Variants in PPP1R1C observed in about 807,000 individuals in gnomAD.
PPP1R1C encodes the protein protein phosphatase 1 regulatory inhibitor subunit 1C.
Under a neutral mutation model 17.4 loss-of-function variants are expected in PPP1R1C, and 15 were observed. The ratio of observed to expected loss-of-function variants is 0.86; its 90% CI spans 0.58 to 1.33. The LOEUF (loss-of-function observed/expected upper bound fraction) is 1.33, where lower values mean the gene tolerates loss of function less well. Ranked by LOEUF, PPP1R1C falls within the 40% of genes most tolerant of loss-of-function variation. The pLI is 0.00. For synonymous variants in PPP1R1C, 35 were observed against 43.1 expected, an observed-to-expected ratio of 0.81 and a Z score of 0.73; for missense variants, 143 against 130.0, an observed-to-expected ratio of 1.10 and a Z score of -0.48.
chr2:182,098,761 A>T (rs1689016649), intron 4 of PPP1R1C, among the ~76,000 whole-genome samples: 1 of 152,194 alleles, frequency 6.6e-6, no homozygotes, highest in South Asian at 2.1e-4. Context: ...ACTTGAAATT[A>T]GTACTGTCTT....
Position 181,961,580 on chromosome 2 carries a change from G to C in PPP1R1C, n.111+6946G>C. The C allele has an allele frequency of 1.3e-6, 1 of 747,852 alleles. No individual in the cohort carries two copies. Among genetic ancestry groups the C allele is most frequent in the East Asian group, 2.5e-5 (1 of 39,960 alleles). The allele number at this position is 747,852 out of a possible 1,614,324, so 46.3% of individuals were successfully genotyped here. A position where few individuals can be genotyped will look rare whatever the true frequency, so the allele number is the denominator to read the frequency against. ...TCCATCTTTAAGGACTGGACTGTAC[G>C]TCTCAGCTCCGTGAGCGTCATCTCA... On this transcript the variant is annotated intron_variant and non_coding_transcript_variant, in intron 1 of 5. Transcript: ENST00000464264. This position sits in a 1 kb window ranked among gnomAD's most constrained non-coding sequence, Gnocchi z 5.8.
At chr2:181,987,311 A>G (rs2125139676) in intron 1 of PPP1R1C, among the ~76,000 whole-genome samples, 1 of 152,276 alleles carries the variant, frequency 6.6e-6, no homozygotes, top group Non-Finnish European at 1.5e-5. Flanking sequence ...TTCTCATAAG[A>G]TCCATATTTA....
At chr2:182,106,132 G>A (rs1689242714) in intron 4 of PPP1R1C, among the ~76,000 whole-genome samples, 1 of 152,060 alleles carries the variant, frequency 6.6e-6, no homozygotes, top group Non-Finnish European at 1.5e-5. Flanking sequence ...CTTTTTTAAG[G>A]ATACAATTGA....
intron 4 of PPP1R1C, among the ~76,000 whole-genome samples, chr2:182,093,491 G>A (rs756473402): frequency 2.4e-4 from 37 of 152,186 alleles, no homozygotes; most frequent in Non-Finnish European, 3.1e-4. Context: ...TCTCCAGCCA[G>A]TTTGAATTTC....
chr2:182,117,374 C>T lies in PPP1R1C; in HGVS notation c.*79C>T, dbSNP rs148893893. 1.1e-3 allele frequency: 1,176 copies of T among 1,028,342 alleles called. 7 individuals carry two copies. The African/African-American group carries it at 0.017, about 15-fold the overall frequency. The allele number at this position is 1,028,342 out of a possible 1,614,324, so 63.7% of individuals were successfully genotyped here. A position where few individuals can be genotyped will look rare whatever the true frequency, so the allele number is the denominator to read the frequency against. On this transcript the variant is annotated 3_prime_UTR_variant, in exon 5 of 5. Coordinates refer to ENST00000682840, the MANE Select transcript of PPP1R1C (RefSeq NM_001080545.3). The stretch of plus-strand genomic sequence containing the variant: ...CTGAGTATACCATGGAATTCCACTG[C>T]TTGACTTCCAGAAGCATCCTCCATC...
At chr2:181,978,968 C>A (rs1040936627) in intron 2 of PPP1R1C, among the ~76,000 whole-genome samples, 2 of 152,138 alleles carry the variant, frequency 1.3e-5, no homozygotes, top group African/African-American at 4.8e-5. Context: ...TAATCCCTGG[C>A]TATTCAAGTC....
chr2:182,107,708 G>A (rs1375410576), intron 4 of PPP1R1C, among the ~76,000 whole-genome samples: 1 of 152,060 alleles, frequency 6.6e-6, no homozygotes, highest in African/African-American at 2.4e-5. Context: ...TCTCTGAGAT[G>A]TCTATTACAG....
intron 2 of PPP1R1C, among the ~76,000 whole-genome samples, chr2:182,046,845 C>T (rs1014898015): frequency 6.6e-6 from 1 of 151,996 alleles, no homozygotes; most frequent in Admixed American, 6.6e-5. Context: ...ACAAGTTTAC[C>T]TTTATATTCC....
At chr2:181,963,469 T>C (rs578108521) in intron 1 of PPP1R1C, among the ~76,000 whole-genome samples, 1 of 152,256 alleles carries the variant, frequency 6.6e-6, no homozygotes, top group South Asian at 2.1e-4. Flanking sequence ...TGAAACCCCC[T>C]CTCTCCTAAA....
chr2:182,047,189 T>A (rs1320805234), intron 2 of PPP1R1C, among the ~76,000 whole-genome samples: 3 of 152,192 alleles, frequency 2.0e-5, no homozygotes, highest in Non-Finnish European at 2.9e-5. Flanking sequence ...GTCATAAGAC[T>A]TTATTTGGAG....
At position 181,957,275 on chromosome 2, in the gene PPP1R1C, T is replaced by C. The variant is rs1574337413; in HGVS notation, n.111+2641T>C. Among the ~76,000 whole-genome samples, 1 of 152,174 alleles carries C rather than the reference T, an allele frequency of 6.6e-6. No homozygotes were observed. The highest frequency in any genetic ancestry group is 1.9e-4 in the East Asian group (1 of 5,192). ...TTCAGGAGGCTGAGGCAGAATTGCT[T>C]GAACCCGGGAGGTGGAGGTTGTGGT... On this transcript the variant is annotated intron_variant and non_coding_transcript_variant, in intron 1 of 5. Transcript: ENST00000464264. This position sits in a 1 kb window ranked among gnomAD's most constrained non-coding sequence, Gnocchi z 4.2.
chr2:181,961,400 C>T lies in PPP1R1C; in HGVS notation n.111+6766C>T, dbSNP rs1257265441. On this transcript the variant is annotated intron_variant and non_coding_transcript_variant, in intron 1 of 5. Transcript: ENST00000464264. This position sits in a 1 kb window ranked among gnomAD's most constrained non-coding sequence, Gnocchi z 5.8. The stretch of plus-strand genomic sequence containing the variant: ...ATGTTCAGCAGAGCCTCGTACTCCC[C>T]GATCTGGTGCTGTCCCTCTGCCCGG... The T allele has an allele frequency of 1.4e-5, 10 of 726,172 alleles. No homozygotes were observed. The highest frequency in any genetic ancestry group is 2.9e-5 in the South Asian group (2 of 68,446). 45.0% of individuals were successfully genotyped at this position (726,172 alleles called of 1,614,324 possible).
At chr2:182,055,960 G>A (rs1687672290) in intron 2 of PPP1R1C, among the ~76,000 whole-genome samples, 1 of 151,990 alleles carries the variant, frequency 6.6e-6, no homozygotes, top group African/African-American at 2.4e-5. Context: ...TCTCCTTTAT[G>A]CTCATTCTTC....
At chr2:182,075,629 A>G (rs976621797) in intron 4 of PPP1R1C, among the ~76,000 whole-genome samples, 14 of 152,240 alleles carry the variant, frequency 9.2e-5, no homozygotes, top group African/African-American at 1.9e-4. Context: ...ACAATGATTC[A>G]GTCACTAAGA....
intron 2 of PPP1R1C, among the ~76,000 whole-genome samples, chr2:182,032,528 GT>G (rs1207070023): frequency 1.3e-5 from 2 of 152,136 alleles, no homozygotes; most frequent in African/African-American, 4.8e-5. Context: ...GCCTAGAGCA[GT>G]TTCTGATACA....
chr2:182,081,807 T>C (rs1434931854), intron 4 of PPP1R1C, among the ~76,000 whole-genome samples: 1 of 152,202 alleles, frequency 6.6e-6, no homozygotes, highest in Non-Finnish European at 1.5e-5. Context: ...ATATCCTGCC[T>C]GCATAAAAGG....
At chr2:181,966,854 T>C (rs768430604) in intron 1 of PPP1R1C, among the ~76,000 whole-genome samples, 4 of 152,242 alleles carry the variant, frequency 2.6e-5, no homozygotes, top group Non-Finnish European at 5.9e-5. Flanking sequence ...TTCTCTTCTA[T>C]TTTTCAGAAT....
chr2:181,960,913 G>A lies in PPP1R1C; in HGVS notation n.111+6279G>A, dbSNP rs556223618. On this transcript the variant is annotated intron_variant and non_coding_transcript_variant, in intron 1 of 5. Transcript: ENST00000464264. ...AATTACAGAAATTCCATTGAAATGCGTTGAAATGATAGCAAACATTTTAGT... is the reference window on the plus strand; with the variant it reads ...AATTACAGAAATTCCATTGAAATGCATTGAAATGATAGCAAACATTTTAGT... Among the ~76,000 whole-genome samples, 100 of 152,152 alleles carry A rather than the reference G, an allele frequency of 6.6e-4. 1 individual carries two copies. The highest frequency in any genetic ancestry group is 5.0e-3 in the South Asian group (24 of 4,800).
At chr2:181,989,912 T>C (rs1685409947) in intron 2 of PPP1R1C, among the ~76,000 whole-genome samples, 1 of 152,156 alleles carries the variant, frequency 6.6e-6, no homozygotes, top group Non-Finnish European at 1.5e-5. Flanking sequence ...CAACTAGAGA[T>C]TTTGGACTAG....
Sources: gnomAD v4.1 joint callset for allele counts (sites outside exome capture counted in the v4.1 genomes callset) on GRCh38, gnomAD v4.1.1 for gene constraint, Gnocchi (gnomAD v3.1) non-coding constraint, MANE v1.5 for transcripts, NCBI Gene and HGNC (gene_info 2026-07-23, HGNC 2026-07-21) for gene names.